CAST: variants seen among roughly 807,000 people sequenced by gnomAD.
CAST encodes the protein MIR583 host.
Under a neutral mutation model 119.6 loss-of-function variants are expected in CAST, and 76 were observed. That is an observed-to-expected ratio of 0.64 (90% CI 0.53 to 0.77). CAST has a LOEUF of 0.77. Ranked by LOEUF, CAST falls within the 30% of genes least tolerant of loss-of-function variation. CAST has a pLI of 0.00. For synonymous variants in CAST, 319 were observed against 331.6 expected (o/e 0.96, Z 0.41); for missense variants, 953 against 946.5 (o/e 1.01, Z -0.09).
At chr5:96,423,526 G>C in the CAST span, 14 of 1,413,838 alleles carry the variant, frequency 9.9e-6, no homozygotes, top group East Asian at 2.3e-5. Context: ...GGGCACTTCA[G>C]TTCCAACCTG....
the CAST span, among the ~76,000 whole-genome samples, chr5:96,354,177 G>C: frequency 6.6e-6 from 1 of 152,124 alleles, no homozygotes; most frequent in Admixed American, 6.6e-5. Context: ...CCTGAACCAA[G>C]TGAGAGCCCC....
the CAST span, among the ~76,000 whole-genome samples, chr5:96,327,977 G>A: frequency 1.3e-5 from 2 of 152,136 alleles, no homozygotes; most frequent in East Asian, 1.9e-4. Flanking sequence ...CCTGCCATCC[G>A]GCTTCCTCCA....
At chr5:96,404,023 C>T in the CAST span, among the ~76,000 whole-genome samples, 1 of 152,310 alleles carries the variant, frequency 6.6e-6, no homozygotes, top group Admixed American at 6.5e-5. Flanking sequence ...GATCTCTCCT[C>T]AGAAGGCTGA....
At chr5:95,963,814 C>T in the CAST span, among the ~76,000 whole-genome samples, 2 of 147,590 alleles carry the variant, frequency 1.4e-5, no homozygotes, top group African/African-American at 5.1e-5. Flanking sequence ...GGAGGTTTGA[C>T]CGGAACAAGT....
chr5:96,323,462 A>T, the CAST span, among the ~76,000 whole-genome samples: 1 of 152,216 alleles, frequency 6.6e-6, no homozygotes, highest in Non-Finnish European at 1.5e-5. Context: ...ACCATAAATT[A>T]TCTGGTTACA....
chr5:96,091,482 G>A, the CAST span, among the ~76,000 whole-genome samples: 1 of 148,902 alleles, frequency 6.7e-6, no homozygotes, highest in Admixed American at 6.7e-5. Context: ...TGGAATTACA[G>A]GCATGAGCCA....
the CAST span, chr5:96,392,970 A>G: frequency 6.2e-7 from 1 of 1,612,088 alleles, no homozygotes; most frequent in Admixed American, 1.7e-5. Flanking sequence ...AAGAAGCATG[A>G]ATATTTCCAA....
intron 3 of CAST, among the ~76,000 whole-genome samples, chr5:96,713,120 C>A (rs1044855882): frequency 6.7e-6 from 1 of 150,096 alleles, no homozygotes; most frequent in Non-Finnish European, 1.5e-5. Context: ...GTTCAGCAGA[C>A]CTCAGAATTT....
chr5:95,980,579 A>G, the CAST span: 1 of 152,240 alleles, frequency 6.6e-6, no homozygotes, highest in African/African-American at 2.4e-5. Flanking sequence ...GTTATTCCAC[A>G]GTCTTTCCCT....
intron 1 of CAST, chr5:96,663,277 C>T (rs1378859556): frequency 2.9e-6 from 2 of 698,748 alleles, no homozygotes; most frequent in Non-Finnish European, 5.2e-6. Context: ...CGGGGTTTGG[C>T]GGGGAAGGGG....
chr5:96,579,351 C>T (rs1272799474), intron 1 of CAST, among the ~76,000 whole-genome samples: 1 of 152,168 alleles, frequency 6.6e-6, no homozygotes, highest in Non-Finnish European at 1.5e-5. Context: ...GTTTCTCCCT[C>T]TAGCTTAGGT....
the CAST span, among the ~76,000 whole-genome samples, chr5:96,507,015 T>C: frequency 1.3e-5 from 2 of 152,240 alleles, no homozygotes; most frequent in Non-Finnish European, 2.9e-5. Context: ...AGGCACACCA[T>C]AGCCAAATAA....
At chr5:96,390,250 A>G in the CAST span, among the ~76,000 whole-genome samples, 1 of 152,236 alleles carries the variant, frequency 6.6e-6, no homozygotes, top group African/African-American at 2.4e-5. Flanking sequence ...ATTTCCTAAA[A>G]AGGAATTAAC....
chr5:96,527,883 C>T (rs754449218), upstream of CAST, among the ~76,000 whole-genome samples: 13 of 152,266 alleles, frequency 8.5e-5, no homozygotes, highest in Non-Finnish European at 1.8e-4. Context: ...GTGTGTAGAG[C>T]TTCATTTAAA....
chr5:96,485,231 AG>A, the CAST span, among the ~76,000 whole-genome samples: 1 of 152,174 alleles, frequency 6.6e-6, no homozygotes, highest in South Asian at 2.1e-4. Flanking sequence ...TCTTACCTGA[AG>A]GAACAATACG....
At chr5:96,744,600 T>C (rs552999540) in intron 16 of CAST, among the ~76,000 whole-genome samples, 1 of 152,340 alleles carries the variant, frequency 6.6e-6, no homozygotes, top group Admixed American at 6.5e-5. Context: ...AGTTTTCCTT[T>C]TTAATCATAT....
chr5:96,451,058 C>G, the CAST span, among the ~76,000 whole-genome samples: 1 of 152,112 alleles, frequency 6.6e-6, no homozygotes, highest in East Asian at 1.9e-4. Context: ...TGACCTATGC[C>G]CTCCTAGATT....
chr5:96,135,230 T>G, the CAST span, among the ~76,000 whole-genome samples: 1 of 152,044 alleles, frequency 6.6e-6, no homozygotes, highest in South Asian at 2.1e-4. Context: ...CACTCTGCTG[T>G]GAAAGGATGG....
At chr5:96,423,401 CAA>C in the CAST span, 1 of 1,614,042 alleles carries the variant, frequency 6.2e-7, no homozygotes, top group Non-Finnish European at 8.5e-7. Context: ...GCCTTTTTGC[CAA>C]ACAGGTATCA....
Sources: allele counts gnomAD v4.1 joint callset (sites outside exome capture counted in the v4.1 genomes callset), GRCh38; gene constraint gnomAD v4.1.1; transcripts MANE v1.5; gene names NCBI Gene and HGNC (gene_info 2026-07-23, HGNC 2026-07-21).